SCLT1: variants seen among roughly 807,000 people sequenced by gnomAD.
SCLT1 encodes sodium channel and clathrin linker 1.
In SCLT1, 78 loss-of-function variants were observed where a neutral mutation model predicts 112.8. The observed-to-expected ratio is 0.69, with a 90% confidence interval of 0.58 to 0.83. The LOEUF is 0.83. Ranked by LOEUF, SCLT1 falls within the 40% of genes least tolerant of loss-of-function variation. The pLI is 0.00. For synonymous variants in SCLT1, 257 were observed against 254.7 expected (o/e 1.01, Z -0.09); for missense variants, 747 against 770.4 (o/e 0.97, Z 0.36).
intron 2 of SCLT1, among the ~76,000 whole-genome samples, chr4:129,072,760 C>T (rs923629430): frequency 3.9e-5 from 6 of 152,010 alleles, no homozygotes; most frequent in African/African-American, 1.2e-4. Flanking sequence ...CTTGTCCCTC[C>T]CTGATTAGCT....
chr4:129,052,876 A>G (rs1251502926), intron 2 of SCLT1, among the ~76,000 whole-genome samples: 1 of 152,104 alleles, frequency 6.6e-6, no homozygotes, highest in East Asian at 1.9e-4. Flanking sequence ...GGTGCTATAA[A>G]TTTCCCTCTA....
intron 18 of SCLT1, among the ~76,000 whole-genome samples, chr4:128,903,664 T>C (rs1264766363): frequency 9.2e-5 from 14 of 152,214 alleles, no homozygotes; most frequent in Non-Finnish European, 1.5e-5. Flanking sequence ...TACAGTTTTC[T>C]TCCAAATGAA....
chr4:129,011,008 A>G (rs910707277), intron 5 of SCLT1, among the ~76,000 whole-genome samples: 5 of 152,184 alleles, frequency 3.3e-5, no homozygotes, highest in Non-Finnish European at 7.3e-5. Context: ...GTTTTCAGGA[A>G]GAATGTTTCC....
At chr4:129,014,766 G>A (rs1476152770) in intron 5 of SCLT1, among the ~76,000 whole-genome samples, 1 of 152,236 alleles carries the variant, frequency 6.6e-6, no homozygotes, top group Non-Finnish European at 1.5e-5. Flanking sequence ...TGCAGTGACA[G>A]AGGGATCTGT....
intron 18 of SCLT1, among the ~76,000 whole-genome samples, chr4:128,929,183 T>C (rs1407638345): frequency 6.6e-6 from 1 of 152,184 alleles, no homozygotes; most frequent in African/African-American, 2.4e-5. Context: ...GAAAGTATCA[T>C]CAGCAACAAA....
chr4:128,924,695 T>C (rs1236298760), intron 18 of SCLT1, among the ~76,000 whole-genome samples: 1 of 152,206 alleles, frequency 6.6e-6, no homozygotes, highest in Non-Finnish European at 1.5e-5. Context: ...TCCTTTTTTA[T>C]GCTTAGGTCT....
intron 2 of SCLT1, among the ~76,000 whole-genome samples, chr4:129,063,948 T>C (rs1750234827): frequency 6.6e-6 from 1 of 152,194 alleles, no homozygotes; most frequent in Admixed American, 6.5e-5. Flanking sequence ...AACCGAGCTG[T>C]GCCATCTTGG....
intron 11 of SCLT1, 150 bp downstream of exon 11, chr4:128,965,075 CAA>C (rs1740059760): frequency 1.9e-6 from 1 of 527,862 alleles, no homozygotes; most frequent in African/African-American, 1.9e-5. Context: ...TTTTAATAAA[CAA>C]TGTCGATTAA....
chr4:128,923,671 C>T (rs184214518), intron 18 of SCLT1, among the ~76,000 whole-genome samples: 1 of 150,876 alleles, frequency 6.6e-6, no homozygotes, highest in African/African-American at 2.4e-5. Flanking sequence ...TGAGATTCAT[C>T]CATGTTGTTG....
chr4:129,092,749 G>T (rs1752960147), intron 1 of SCLT1, among the ~76,000 whole-genome samples: 1 of 152,200 alleles, frequency 6.6e-6, no homozygotes, highest in South Asian at 2.1e-4. Flanking sequence ...TGGCCAGAGA[G>T]CTGTGCCCCT....
chr4:128,991,693 A>G (rs1027403368), intron 9 of SCLT1, among the ~76,000 whole-genome samples: 7 of 151,856 alleles, frequency 4.6e-5, no homozygotes, highest in Admixed American at 1.3e-4. Context: ...AAGACATACA[A>G]ATAAATGGAC....
chr4:129,067,008 TAAC>T (rs981683589), intron 2 of SCLT1, among the ~76,000 whole-genome samples: 7 of 152,062 alleles, frequency 4.6e-5, no homozygotes, highest in Admixed American at 2.0e-4. Context: ...ACATGAAACA[TAAC>T]AAAATCTGAA....
chr4:128,924,778 C>T (rs1736161707), intron 18 of SCLT1, among the ~76,000 whole-genome samples: 1 of 152,152 alleles, frequency 6.6e-6, no homozygotes, highest in Non-Finnish European at 1.5e-5. Flanking sequence ...AAACGAACCT[C>T]AATGATCCCT....
chr4:129,079,587 G>C (rs935122720), intron 2 of SCLT1, among the ~76,000 whole-genome samples: 1 of 152,178 alleles, frequency 6.6e-6, no homozygotes. Context: ...GCTCTGCAGG[G>C]TACATTCCCT....
chr4:128,875,987 G>A (rs1291605284), intron 4 of SCLT1, among the ~76,000 whole-genome samples: 1 of 151,990 alleles, frequency 6.6e-6, no homozygotes, highest in African/African-American at 2.4e-5. Context: ...GGCAGAACTG[G>A]GCCTACACTC....
At chr4:129,043,285 A>G in intron 4 of SCLT1, 110 bp downstream of exon 4, 1 of 666,684 alleles carries the variant, frequency 1.5e-6, no homozygotes, top group Admixed American at 2.9e-5. Context: ...TTGGTTAGTT[A>G]CAGCAAATAT....
intron 4 of SCLT1, among the ~76,000 whole-genome samples, chr4:128,875,954 C>T (rs934949303): frequency 6.6e-6 from 1 of 152,090 alleles, no homozygotes; most frequent in Non-Finnish European, 1.5e-5. Flanking sequence ...TAAGACTTGG[C>T]CAAGATCACA....
chr4:128,995,762 A>T (rs1429091864), intron 8 of SCLT1, among the ~76,000 whole-genome samples: 1 of 151,994 alleles, frequency 6.6e-6, no homozygotes, highest in Non-Finnish European at 1.5e-5. Flanking sequence ...AGGTGTCTAG[A>T]CCATGCTGGA....
chr4:129,009,738 A>G (rs1744355431), intron 5 of SCLT1, among the ~76,000 whole-genome samples: 4 of 151,880 alleles, frequency 2.6e-5, no homozygotes, highest in African/African-American at 2.4e-5. Flanking sequence ...TCATATGGTT[A>G]TTGGCCACAT....
Sources: gnomAD v4.1 joint callset for allele counts (sites outside exome capture counted in the v4.1 genomes callset) on GRCh38, gnomAD v4.1.1 for gene constraint, MANE v1.5 for transcripts, NCBI Gene and HGNC (gene_info 2026-07-23, HGNC 2026-07-21) for gene names.